Variants in SNX29 observed in about 807,000 individuals in gnomAD.
SNX29 encodes the protein sorting nexin-29.
In SNX29, 78 loss-of-function variants were observed where a neutral mutation model predicts 102.1. The ratio of observed to expected loss-of-function variants is 0.76; its 90% CI spans 0.64 to 0.92. SNX29 has a LOEUF of 0.92. SNX29 is among the 40% of genes least tolerant of loss of function. SNX29 has a pLI of 0.00. For synonymous variants in SNX29, 580 were observed against 414.5 expected (o/e 1.40, Z -4.85); for missense variants, 1,280 against 1,061.7 (o/e 1.21, Z -2.86).
At chr16:12,568,033 C>G (rs1235821778) in intron 20 of SNX29, among the ~76,000 whole-genome samples, 1 of 152,152 alleles carries the variant, frequency 6.6e-6, no homozygotes, top group African/African-American at 2.4e-5. Context: ...TTAACTAGCC[C>G]CTAGCCTAGG....
chr16:12,306,312 A>G (rs1266729160), intron 15 of SNX29, among the ~76,000 whole-genome samples: 1 of 151,162 alleles, frequency 6.6e-6, no homozygotes, highest in Non-Finnish European at 1.5e-5. Flanking sequence ...CCAACTGCAT[A>G]TGGTCATGAG....
intron 11 of SNX29, among the ~76,000 whole-genome samples, chr16:12,121,693 C>T (rs1310240663): frequency 1.3e-4 from 20 of 152,224 alleles, no homozygotes. Flanking sequence ...GCTGCATCTG[C>T]ATTTGTCTCT....
intron 13 of SNX29, among the ~76,000 whole-genome samples, chr16:12,167,273 C>A (rs779388157): frequency 1.4e-4 from 21 of 152,158 alleles, no homozygotes; most frequent in East Asian, 1.9e-4. Context: ...GCTGGAGTCA[C>A]CTGATGGTCC....
intron 15 of SNX29, among the ~76,000 whole-genome samples, chr16:12,278,555 G>C (rs953590659): frequency 1.3e-5 from 2 of 152,122 alleles, no homozygotes; most frequent in African/African-American, 4.8e-5. Context: ...CAAGCCTAGA[G>C]GGTTTCATGG....
chr16:12,048,650 C>T, intron 7 of SNX29, 30 bp downstream of exon 7: 2 of 1,613,880 alleles, frequency 1.2e-6, no homozygotes, highest in South Asian at 1.1e-5. Context: ...CGAGGCGGAG[C>T]AGAGGGAATC....
At chr16:12,142,150 T>C (rs559180990) in intron 13 of SNX29, among the ~76,000 whole-genome samples, 1 of 152,328 alleles carries the variant, frequency 6.6e-6, no homozygotes, top group East Asian at 1.9e-4. Context: ...GTTGCCCCGA[T>C]CTTTTTGAGT....
At chr16:12,539,762 T>C (rs2077240671) in intron 20 of SNX29, among the ~76,000 whole-genome samples, 1 of 152,240 alleles carries the variant, frequency 6.6e-6, no homozygotes, top group Non-Finnish European at 1.5e-5. Flanking sequence ...ATGGTCTTAA[T>C]TTGCATTTTC....
intron 1 of SNX29, among the ~76,000 whole-genome samples, chr16:11,990,219 C>T (rs2055796340): frequency 1.3e-5 from 2 of 152,142 alleles, no homozygotes; most frequent in Admixed American, 1.3e-4. Context: ...GAACATTGTT[C>T]TCACAAGAGT....
chr16:12,282,466 A>G (rs1222572574), intron 15 of SNX29, among the ~76,000 whole-genome samples: 1 of 152,154 alleles, frequency 6.6e-6, no homozygotes, highest in African/African-American at 2.4e-5. Context: ...CAGTGCGGAC[A>G]TTGTCTTTTA....
intron 20 of SNX29, among the ~76,000 whole-genome samples, chr16:12,545,849 C>T (rs75176441): frequency 0.012 from 1,801 of 152,198 alleles, 23 homozygotes; most frequent in Non-Finnish European, 0.013. Flanking sequence ...GAGCAGATCA[C>T]CTCTCCTTGA....
chr16:12,527,015 G>A, intron 20 of SNX29: 1 of 401,280 alleles, frequency 2.5e-6, no homozygotes, highest in Non-Finnish European at 4.7e-6. Flanking sequence ...TTCAGTGGGA[G>A]ACTGTGGCAA....
intron 18 of SNX29, among the ~76,000 whole-genome samples, chr16:12,432,273 T>G (rs941744123): frequency 6.6e-6 from 1 of 152,246 alleles, no homozygotes; most frequent in Non-Finnish European, 1.5e-5. Flanking sequence ...CATGGCTGTT[T>G]GTATATCTTG....
At chr16:12,179,632 C>T (rs887770229) in intron 13 of SNX29, among the ~76,000 whole-genome samples, 1 of 152,212 alleles carries the variant, frequency 6.6e-6, no homozygotes, top group Non-Finnish European at 1.5e-5. Context: ...ATGTTTAATG[C>T]TTTCCACCAG....
chr16:12,529,936 C>T (rs1417415165), intron 20 of SNX29, among the ~76,000 whole-genome samples: 1 of 152,176 alleles, frequency 6.6e-6, no homozygotes, highest in Non-Finnish European at 1.5e-5. Flanking sequence ...CAGCGTTACC[C>T]AGTTGCCAGT....
At chr16:12,308,669 C>A (rs987294002) in intron 15 of SNX29, among the ~76,000 whole-genome samples, 5 of 152,170 alleles carry the variant, frequency 3.3e-5, no homozygotes, top group Non-Finnish European at 7.3e-5. Flanking sequence ...CAGACTCTTG[C>A]AATGCCTGTG....
chr16:12,398,568 C>T, intron 17 of SNX29, 67 bp downstream of exon 17: 1 of 1,547,070 alleles, frequency 6.5e-7, no homozygotes, highest in Non-Finnish European at 8.9e-7. Context: ...GCTTCTGTCC[C>T]AGAAGACCAC....
At position 12,142,720 on chromosome 16, in the gene SNX29, C is replaced by T. The variant is rs185309854; in HGVS notation, c.1595+12962C>T. 5.5e-3 allele frequency among the ~76,000 whole-genome samples: 841 copies of T among 151,762 alleles called. 10 individuals carry two copies. Among genetic ancestry groups the T allele is most frequent in the African/African-American group, 0.019 (793 of 41,390 alleles). ...CTGGGATTACAGGCGCCTGCCACCA[C>T]GCCTGGCTAATTTTTTTGTATTTTT... On this transcript the variant is annotated intron_variant, in intron 13 of 20. Transcript: ENST00000566228.
chr16:12,066,164 T>G (rs548579709), intron 9 of SNX29, among the ~76,000 whole-genome samples: 22 of 152,290 alleles, frequency 1.4e-4, no homozygotes, highest in East Asian at 3.9e-4. Flanking sequence ...ACTCTGCATG[T>G]TGAGTCCCTG....
intron 18 of SNX29, among the ~76,000 whole-genome samples, chr16:12,431,434 C>CTTTTTTTTTTTTTTTTTTT (rs200189537): frequency 1.5e-5 from 2 of 136,954 alleles, no homozygotes; most frequent in South Asian, 2.3e-4. Context: ...TCTTCTTCTT[C>CTTTTTTTTTTTTTTTTTTT]TTTTTTTTTT....
Sources: allele counts gnomAD v4.1 joint callset (sites outside exome capture counted in the v4.1 genomes callset), GRCh38; gene constraint gnomAD v4.1.1; transcripts MANE v1.5; gene names NCBI Gene and HGNC (gene_info 2026-07-23, HGNC 2026-07-21).